The following CMC1 variants were observed in gnomAD, a reference collection of about 807,000 sequenced individuals.
CMC1 encodes COX assembly mitochondrial protein homolog.
Under a neutral mutation model 14.1 loss-of-function variants are expected in CMC1, and 14 were observed. The ratio of observed to expected loss-of-function variants is 0.99; its 90% CI spans 0.66 to 1.55. The LOEUF is 1.55. Among genes scored for constraint, CMC1 ranks in the 40% most tolerant of loss-of-function variants. The pLI, the probability that CMC1 is intolerant of heterozygous loss-of-function variation, is 0.00. For missense variants in CMC1, 127 were observed against 123.8 expected, an observed-to-expected ratio of 1.03 and a Z score of -0.12; for synonymous variants, 50 against 38.4, an observed-to-expected ratio of 1.30 and a Z score of -1.12.
chr3:28,279,758 AG>A (rs931771520), intron 2 of CMC1, among the ~76,000 whole-genome samples: 31 of 152,348 alleles, frequency 2.0e-4, no homozygotes, highest in African/African-American at 6.7e-4. Context: ...GGAAAAAAAA[AG>A]ATTTAAAAAA....
intron 1 of CMC1, among the ~76,000 whole-genome samples, chr3:28,255,722 T>TACACAC (rs372487968): frequency 0.16 from 22,516 of 144,156 alleles, 1,984 homozygotes; most frequent in East Asian, 0.39. Flanking sequence ...TACATGTACA[T>TACACAC]ACACACACAC....
intron 2 of CMC1, among the ~76,000 whole-genome samples, chr3:28,311,622 T>G (rs1359881000): frequency 2.6e-5 from 4 of 152,178 alleles, no homozygotes; most frequent in Non-Finnish European, 5.9e-5. Context: ...ACTTTTTACT[T>G]CACAGCTTCC....
chr3:28,260,684 A>G lies in CMC1; in HGVS notation c.20-2607A>G, dbSNP rs200077423. ...TCTGGTTTCTCAAGGTAGAAACTTAAGTTAATACAAGACCTTTTTTCTTTT... is the reference window on the plus strand; with the variant it reads ...TCTGGTTTCTCAAGGTAGAAACTTAGGTTAATACAAGACCTTTTTTCTTTT... On this transcript the variant is annotated intron_variant, in intron 1 of 3. Transcript: ENST00000466830. 1.1e-4 allele frequency among the ~76,000 whole-genome samples: 11 copies of G among 101,948 alleles called. No homozygotes were observed. The East Asian group carries it at 3.1e-3, about 28-fold the overall frequency. 66.9% of individuals were successfully genotyped at this position (101,948 alleles called of 152,430 possible). A position where few individuals can be genotyped will look rare whatever the true frequency, so the allele number is the denominator to read the frequency against.
chr3:28,300,162 T>C (rs1484456076), intron 2 of CMC1, among the ~76,000 whole-genome samples: 1 of 152,192 alleles, frequency 6.6e-6, no homozygotes, highest in Non-Finnish European at 1.5e-5. Context: ...TTGTCAGATT[T>C]CTTCGATTTT....
chr3:28,311,531 A>G (rs1455448775), intron 2 of CMC1, among the ~76,000 whole-genome samples: 1 of 152,204 alleles, frequency 6.6e-6, no homozygotes, highest in Non-Finnish European at 1.5e-5. Flanking sequence ...GGACAAAAAT[A>G]CTATCTTCAT....
At chr3:28,305,054 A>G (rs1482805256) in intron 2 of CMC1, among the ~76,000 whole-genome samples, 1 of 152,142 alleles carries the variant, frequency 6.6e-6, no homozygotes, top group Non-Finnish European at 1.5e-5. Flanking sequence ...CATAGTAACC[A>G]ATAGGTAGTT....
chr3:28,247,027 G>A (rs1177745538), intron 1 of CMC1, among the ~76,000 whole-genome samples: 1 of 152,100 alleles, frequency 6.6e-6, no homozygotes, highest in Non-Finnish European at 1.5e-5. Context: ...CTCTGTTAAT[G>A]TACATAAGTA....
intron 1 of CMC1, among the ~76,000 whole-genome samples, chr3:28,254,501 A>G (rs968834468): frequency 6.6e-6 from 1 of 152,184 alleles, no homozygotes; most frequent in African/African-American, 2.4e-5. Flanking sequence ...AAGTTTTAGA[A>G]GAAGGATCAG....
intron 1 of CMC1, among the ~76,000 whole-genome samples, chr3:28,255,241 C>CTTT (rs61315525): frequency 1.5e-5 from 2 of 133,148 alleles, no homozygotes; most frequent in Non-Finnish European, 3.2e-5. Flanking sequence ...TTTGTTTCCT[C>CTTT]TTTTTTTTTT....
rs573066048 is a variant in CMC1 at position 28,243,674 on chromosome 3, G to T, written c.19+1862G>T. 7.9e-5 allele frequency among the ~76,000 whole-genome samples: 12 copies of T among 152,294 alleles called. No homozygotes were observed. In the East Asian group the frequency reaches 1.4e-3, roughly 17 times the overall value. On this transcript the variant is annotated intron_variant, in intron 1 of 3. Transcript: ENST00000466830. ...ACCTTTTGAGTATTGATTAAACAAA[G>T]ACTTGTTGAGTGTCTGGTATATGTC...
chr3:28,268,154 A>T (rs1460892686), intron 2 of CMC1, among the ~76,000 whole-genome samples: 7 of 152,224 alleles, frequency 4.6e-5, no homozygotes, highest in Admixed American at 3.9e-4. Context: ...TTGGACTTAC[A>T]CTGAACTATC....
intron 2 of CMC1, among the ~76,000 whole-genome samples, chr3:28,271,780 T>C (rs1206519839): frequency 6.6e-6 from 1 of 152,244 alleles, no homozygotes; most frequent in Non-Finnish European, 1.5e-5. Flanking sequence ...AATGGTAGTG[T>C]AATGGGAATA....
At chr3:28,284,730 C>CTG (rs147368414) in intron 2 of CMC1, among the ~76,000 whole-genome samples, 6,051 of 150,328 alleles carry the variant, frequency 0.04, 233 homozygotes, top group African/African-American at 0.098. Flanking sequence ...TGTTAGATTT[C>CTG]TGTGTGTGTG....
chr3:28,282,285 A>C (rs1700937876), intron 2 of CMC1, among the ~76,000 whole-genome samples: 1 of 152,220 alleles, frequency 6.6e-6, no homozygotes, highest in Non-Finnish European at 1.5e-5. Context: ...TGTGTTTGCT[A>C]GAACTAAAGA....
chr3:28,303,769 TAC>T (rs1355898842), intron 2 of CMC1, among the ~76,000 whole-genome samples: 3 of 152,268 alleles, frequency 2.0e-5, no homozygotes, highest in South Asian at 2.1e-4. Flanking sequence ...TATGAATATT[TAC>T]AGTTATTCAT....
At chr3:28,248,621 A>T (rs1015915534) in intron 1 of CMC1, among the ~76,000 whole-genome samples, 13 of 152,086 alleles carry the variant, frequency 8.5e-5, no homozygotes, top group African/African-American at 3.1e-4. Context: ...ATCTTTTTTA[A>T]TTTTTTGTTT....
chr3:28,292,899 A>T (rs1235710608), intron 2 of CMC1: 1 of 152,196 alleles, frequency 6.6e-6, no homozygotes, highest in East Asian at 1.9e-4. Context: ...GAATTTATCA[A>T]ACGTCATTCT....
At chr3:28,303,572 A>T (rs1416095893) in intron 2 of CMC1, among the ~76,000 whole-genome samples, 1 of 152,142 alleles carries the variant, frequency 6.6e-6, no homozygotes, top group Non-Finnish European at 1.5e-5. Context: ...GATAGTCATG[A>T]TAAAGTACAA....
chr3:28,322,239 A>C lies in CMC1; in HGVS notation c.*2610A>C, dbSNP rs1703208170. ...CACTGTACTGTTTAAATGGAAAATA[A>C]TTTTCTCCACTCAAAAGCTGGTTTA... On this transcript the variant is annotated 3_prime_UTR_variant, in exon 4 of 4. Coordinates refer to ENST00000466830, the MANE Select transcript of CMC1 (RefSeq NM_182523.2). The C allele has an allele frequency of 6.6e-6, 1 of 151,232 alleles. No homozygotes were observed. Among genetic ancestry groups the C allele is most frequent in the African/African-American group, 2.4e-5 (1 of 41,338 alleles). 9.4% of individuals were successfully genotyped at this position (151,232 alleles called of 1,614,324 possible). A position where few individuals can be genotyped will look rare whatever the true frequency, so the allele number is the denominator to read the frequency against.
Sources: allele counts gnomAD v4.1 joint callset (sites outside exome capture counted in the v4.1 genomes callset), GRCh38; gene constraint gnomAD v4.1.1; transcripts MANE v1.5; gene names NCBI Gene and HGNC (gene_info 2026-07-23, HGNC 2026-07-21).